Variants in SPIDR observed in about 807,000 individuals in gnomAD.
The protein encoded by SPIDR is DNA repair-scaffolding protein.
A neutral mutation model predicts 104.6 loss-of-function variants in SPIDR; 93 were observed. That is an observed-to-expected ratio of 0.89 (90% CI 0.75 to 1.06). The LOEUF is 1.06. Ranked by LOEUF, SPIDR falls within the 50% of genes least tolerant of loss-of-function variation. SPIDR has a pLI of 0.00. For missense variants in SPIDR, 1,154 were observed against 1,111.2 expected (o/e 1.04, Z -0.55); for synonymous variants, 431 against 416.9 (o/e 1.03, Z -0.41).
At chr8:47,599,555 G>A (rs550342623) in intron 10 of SPIDR, among the ~76,000 whole-genome samples, 84 of 152,226 alleles carry the variant, frequency 5.5e-4, no homozygotes, top group Non-Finnish European at 7.2e-4. Flanking sequence ...TATATGTCTC[G>A]AAAACCTGAG....
chr8:47,621,405 A>G (rs979240737), intron 10 of SPIDR, among the ~76,000 whole-genome samples: 2 of 152,208 alleles, frequency 1.3e-5, no homozygotes, highest in African/African-American at 4.8e-5. Context: ...CATGTCATGT[A>G]GTCTCACCCT....
At chr8:47,542,149 C>A (rs1542721) in intron 8 of SPIDR, among the ~76,000 whole-genome samples, 2 of 151,144 alleles carry the variant, frequency 1.3e-5, no homozygotes. Context: ...CTGTAAGCAA[C>A]GTCGTCTTAA....
chr8:47,563,172 T>C (rs2057298851), intron 8 of SPIDR, among the ~76,000 whole-genome samples: 2 of 151,654 alleles, frequency 1.3e-5, no homozygotes, highest in Non-Finnish European at 1.5e-5. Flanking sequence ...ACACAGGCCC[T>C]CTTTTTTTCT....
rs1454317419 is a variant in SPIDR, at chr8:47,317,800, G to A, written c.525+23770G>A. 7.2e-5 allele frequency among the ~76,000 whole-genome samples: 11 copies of A among 152,286 alleles called. No individual in the cohort carries two copies. In the East Asian group the frequency reaches 1.9e-3, roughly 27 times the overall value. ...CATTTCCTGCTCACCGGTATCCGCTGTTCTGCAGCCTCCACTGCTGATACT... is the reference window on the plus strand; with the variant it reads ...CATTTCCTGCTCACCGGTATCCGCTATTCTGCAGCCTCCACTGCTGATACT... On this transcript the variant is annotated intron_variant, in intron 5 of 19. Transcript: ENST00000297423.
At chr8:47,397,216 G>T (rs1441505749) in intron 6 of SPIDR, among the ~76,000 whole-genome samples, 1 of 152,162 alleles carries the variant, frequency 6.6e-6, no homozygotes, top group East Asian at 1.9e-4. Flanking sequence ...AAGAAAGAGA[G>T]GCCGGGCGCG....
chr8:47,327,966 G>A (rs1420337921), intron 5 of SPIDR, among the ~76,000 whole-genome samples: 2 of 151,076 alleles, frequency 1.3e-5, no homozygotes, highest in South Asian at 2.1e-4. Flanking sequence ...CGAAAGTGCT[G>A]GGATTACAGG....
At chr8:47,501,600 T>C (rs2154371382) in intron 8 of SPIDR, among the ~76,000 whole-genome samples, 1 of 152,326 alleles carries the variant, frequency 6.6e-6, no homozygotes, top group South Asian at 2.1e-4. Flanking sequence ...CAGGGACAAT[T>C]TGACTTCCTC....
Position 47,529,901 on chromosome 8 carries a change from G to A in SPIDR, c.1098-65910G>A, listed in dbSNP as rs370300812. 3.8e-3 allele frequency among the ~76,000 whole-genome samples: 578 copies of A among 152,208 alleles called. 3 individuals carry two copies. Among genetic ancestry groups the A allele is most frequent in the South Asian group, 0.023 (109 of 4,830 alleles). On this transcript the variant is annotated intron_variant, in intron 8 of 19. Coordinates refer to ENST00000297423, the MANE Select transcript of SPIDR (RefSeq NM_001080394.4). ...AAGTGGACTTGAATTACTTTTAAATGCACATCAAACTCAAGAGGAACCACA... is the reference window on the plus strand; with the variant it reads ...AAGTGGACTTGAATTACTTTTAAATACACATCAAACTCAAGAGGAACCACA...
chr8:47,380,160 G>A lies in SPIDR; in HGVS notation c.526-16216G>A, dbSNP rs568225150. 2.0e-5 allele frequency among the ~76,000 whole-genome samples: 3 copies of A among 152,308 alleles called. No individual in the cohort carries two copies. In the East Asian group the frequency reaches 5.8e-4, roughly 29 times the overall value. On this transcript the variant is annotated intron_variant, in intron 5 of 19. Transcript: ENST00000297423. Reference sequence around the variant, plus strand: ...ACTAATTTTGAGGCCCAGGTTTTGAGTGTAGGTCTGAGTCGATGACCTCTC... The same window carrying A: ...ACTAATTTTGAGGCCCAGGTTTTGAATGTAGGTCTGAGTCGATGACCTCTC...
intron 5 of SPIDR, among the ~76,000 whole-genome samples, chr8:47,341,261 A>G (rs77477380): frequency 0.021 from 3,241 of 152,336 alleles, 253 homozygotes; most frequent in Admixed American, 0.14. Flanking sequence ...TATGCCATTT[A>G]ATTTTCACAG....
intron 10 of SPIDR, among the ~76,000 whole-genome samples, chr8:47,601,275 T>C (rs2062244299): frequency 6.6e-6 from 1 of 152,200 alleles, no homozygotes; most frequent in African/African-American, 2.4e-5. Flanking sequence ...GACAATATTA[T>C]TTCCACTTTG....
intron 11 of SPIDR, among the ~76,000 whole-genome samples, chr8:47,685,841 C>T (rs955096389): frequency 6.6e-6 from 1 of 151,574 alleles, no homozygotes; most frequent in African/African-American, 2.4e-5. Context: ...TGTGAGCCAC[C>T]GTACCTGGCC....
rs1411205966 is a variant in SPIDR, at chr8:47,300,071, C to T, written c.525+6041C>T. On this transcript the variant is annotated intron_variant, in intron 5 of 19. Transcript: ENST00000297423. Reference sequence around the variant, plus strand: ...CTCTGGTAGAATTTGGCTGTGAATCCGTCTGGTCCTGGACTTTTTTTGTTT... The same window carrying T: ...CTCTGGTAGAATTTGGCTGTGAATCTGTCTGGTCCTGGACTTTTTTTGTTT... Among the ~76,000 whole-genome samples the T allele has an allele frequency of 6.6e-5, 10 of 152,212 alleles. No individual in the cohort carries two copies. The East Asian group carries it at 1.5e-3, about 23-fold the overall frequency.
intron 8 of SPIDR, chr8:47,511,424 C>CGTCCTGATGTTCCTCCATATCCAAGTTCG: frequency 1.2e-6 from 1 of 807,548 alleles, no homozygotes; most frequent in Non-Finnish European, 2.2e-6. Context: ...ATAAAGTCCT[C>CGTCCTGATGTTCCTCCATATCCAAGTTCG]GTCCTGATGT....
chr8:47,664,366 G>T (rs2074581596), intron 10 of SPIDR, among the ~76,000 whole-genome samples: 1 of 152,020 alleles, frequency 6.6e-6, no homozygotes, highest in African/African-American at 2.4e-5. Flanking sequence ...TGATTTAGCC[G>T]ACAAAAGATT....
intron 10 of SPIDR, among the ~76,000 whole-genome samples, chr8:47,618,594 A>G (rs1415119517): frequency 6.6e-6 from 1 of 152,216 alleles, no homozygotes; most frequent in African/African-American, 2.4e-5. Context: ...TTACCTGGCA[A>G]GTAATTTATT....
At chr8:47,567,763 T>C (rs1164410844) in intron 8 of SPIDR, among the ~76,000 whole-genome samples, 2 of 149,334 alleles carry the variant, frequency 1.3e-5, no homozygotes, top group African/African-American at 4.9e-5. Flanking sequence ...TTTCTTCTTT[T>C]CTTTTCTTTT....
At chr8:47,732,105 G>C in intron 19 of SPIDR, 1 of 702,246 alleles carries the variant, frequency 1.4e-6, no homozygotes. Context: ...CTTGACACCC[G>C]TTCCAATCCC....
At chr8:47,615,893 G>C (rs1310783439) in intron 10 of SPIDR, among the ~76,000 whole-genome samples, 1 of 151,966 alleles carries the variant, frequency 6.6e-6, no homozygotes, top group Non-Finnish European at 1.5e-5. Context: ...CATTGTACAA[G>C]TCTTATATTT....
Sources: allele counts gnomAD v4.1 joint callset (sites outside exome capture counted in the v4.1 genomes callset), GRCh38; gene constraint gnomAD v4.1.1; transcripts MANE v1.5; gene names NCBI Gene and HGNC (gene_info 2026-07-23, HGNC 2026-07-21).